The following NAV3 variants were observed in gnomAD, a reference collection of about 807,000 sequenced individuals.
The protein encoded by NAV3 is pore membrane and/or filament interacting like protein 1.
A neutral mutation model predicts 244.7 loss-of-function variants in NAV3; 87 were observed. The ratio of observed to expected loss-of-function variants is 0.36; its 90% CI spans 0.30 to 0.42. The LOEUF (loss-of-function observed/expected upper bound fraction) is 0.42, where lower values mean the gene tolerates loss of function less well. Ranked by LOEUF, NAV3 falls within the 20% of genes least tolerant of loss-of-function variation. The pLI is 1.00. For missense variants in NAV3, 2,663 were observed against 2,893.3 expected, an observed-to-expected ratio of 0.92 and a Z score of 1.83; for synonymous variants, 1,126 against 1,042.2, an observed-to-expected ratio of 1.08 and a Z score of -1.55.
intron 2 of NAV3, among the ~76,000 whole-genome samples, chr12:77,587,376 C>T (rs188970169): frequency 1.3e-4 from 20 of 152,172 alleles, no homozygotes; most frequent in Non-Finnish European, 2.9e-4. Context: ...ATCATTTTAG[C>T]AAATGATTTA....
chr12:77,858,354 A>G (rs914151658), intron 1 of NAV3, among the ~76,000 whole-genome samples: 1 of 152,094 alleles, frequency 6.6e-6, no homozygotes, highest in Non-Finnish European at 1.5e-5. Flanking sequence ...TCAAAATACA[A>G]ATGTTCCAGG....
At chr12:77,778,822 A>G (rs144276056) in intron 2 of NAV3, among the ~76,000 whole-genome samples, 1 of 152,162 alleles carries the variant, frequency 6.6e-6, no homozygotes, top group Non-Finnish European at 1.5e-5. Flanking sequence ...AAGGCAGAAT[A>G]TTTATGCAAT....
chr12:77,660,206 A>T (rs1873369268), intron 2 of NAV3, among the ~76,000 whole-genome samples: 2 of 152,170 alleles, frequency 1.3e-5, no homozygotes, highest in African/African-American at 4.8e-5. Context: ...GTGGGTGGAG[A>T]AAAGTTTAAC....
chr12:78,168,961 G>A, intron 24 of NAV3, 95 bp downstream of exon 24: 2 of 746,234 alleles, frequency 2.7e-6, no homozygotes, highest in South Asian at 3.9e-5. Context: ...GTGTCACTGT[G>A]CATTATTAAT....
intron 2 of NAV3, among the ~76,000 whole-genome samples, chr12:77,746,261 C>G (rs1868537343): frequency 6.6e-6 from 1 of 152,014 alleles, no homozygotes; most frequent in African/African-American, 2.4e-5. Context: ...ACAATTACTC[C>G]TCAGTACTCT....
At chr12:77,915,980 A>C (rs1378742415) in intron 1 of NAV3, among the ~76,000 whole-genome samples, 5 of 152,008 alleles carry the variant, frequency 3.3e-5, no homozygotes, top group Non-Finnish European at 7.4e-5. Flanking sequence ...GATGATAAGC[A>C]CTTGAAGAAA....
chr12:77,676,500 CTTTCT>C, intron 2 of NAV3, among the ~76,000 whole-genome samples: 1 of 150,500 alleles, frequency 6.6e-6, no homozygotes, highest in African/African-American at 2.4e-5. Flanking sequence ...AACAAGTGGG[CTTTCT>C]TTTCTTTTTG....
intron 5 of NAV3, among the ~76,000 whole-genome samples, chr12:77,979,987 G>T (rs767946099): frequency 2.5e-4 from 38 of 152,154 alleles, no homozygotes; most frequent in Non-Finnish European, 5.9e-5. Context: ...TGGCAAGGAA[G>T]AAATGTAACT....
rs531881501 is a variant in NAV3 at position 77,711,606 on chromosome 12, G to A, written c.72+139340G>A. Among the ~76,000 whole-genome samples, 3 of 152,294 alleles carry A rather than the reference G, an allele frequency of 2.0e-5. No individual in the cohort carries two copies. In the South Asian group the frequency reaches 6.2e-4, roughly 32 times the overall value. On this transcript the variant is annotated intron_variant, in intron 2 of 8. Coordinates refer to the NAV3 transcript ENST00000550042. Reference sequence around the variant, plus strand: ...AATGCGGTGTCAGGAGCAGCTAAAGGGCAGGTGCCCTGATGTCCTGTCAGT... The same window carrying A: ...AATGCGGTGTCAGGAGCAGCTAAAGAGCAGGTGCCCTGATGTCCTGTCAGT...
chr12:78,138,668 G>C (rs543703259), intron 19 of NAV3, among the ~76,000 whole-genome samples: 19 of 152,168 alleles, frequency 1.2e-4, no homozygotes, highest in African/African-American at 4.1e-4. Flanking sequence ...TCACAGATAG[G>C]CTTCTTATAA....
intron 5 of NAV3, among the ~76,000 whole-genome samples, chr12:77,976,152 TG>T (rs1452833795): frequency 2.6e-5 from 4 of 152,098 alleles, no homozygotes; most frequent in African/African-American, 9.7e-5. Flanking sequence ...AGGAAAGGTT[TG>T]GTAGGGAGAA....
intron 31 of NAV3, 131 bp from the exon 32 acceptor site, chr12:78,188,117 C>A (rs1415882719): frequency 6.1e-6 from 4 of 656,658 alleles, no homozygotes; most frequent in Non-Finnish European, 1.0e-5. Flanking sequence ...GTGTCTGTTA[C>A]TATAGAAGCC....
At chr12:77,615,010 G>A (rs1451402762) in intron 2 of NAV3, among the ~76,000 whole-genome samples, 1 of 152,152 alleles carries the variant, frequency 6.6e-6, no homozygotes, top group Non-Finnish European at 1.5e-5. Context: ...CCAAAAGATA[G>A]CTAGGTGATG....
chr12:78,151,104 G>C (rs1255661570), intron 22 of NAV3, among the ~76,000 whole-genome samples: 1 of 151,932 alleles, frequency 6.6e-6, no homozygotes, highest in Non-Finnish European at 1.5e-5. Flanking sequence ...AGAAGCAGCA[G>C]TGCCAAATAG....
At chr12:77,765,023 GA>G (rs1160621583) in intron 2 of NAV3, among the ~76,000 whole-genome samples, 2 of 152,352 alleles carry the variant, frequency 1.3e-5, no homozygotes, top group African/African-American at 4.8e-5. Flanking sequence ...AAAACATTAT[GA>G]AGGCTATTAA....
intron 2 of NAV3, among the ~76,000 whole-genome samples, chr12:77,608,518 A>G (rs1203267967): frequency 2.0e-5 from 3 of 152,144 alleles, no homozygotes; most frequent in Admixed American, 2.0e-4. Context: ...GTTGGGCCAT[A>G]ACAAGATGCT....
intron 2 of NAV3, among the ~76,000 whole-genome samples, chr12:77,679,224 A>G (rs187118885): frequency 6.6e-6 from 1 of 152,176 alleles, no homozygotes; most frequent in Non-Finnish European, 1.5e-5. Context: ...TGAATATCAT[A>G]ATAGTGCAAG....
rs17044342 is a variant in NAV3 at position 77,840,167 on chromosome 12, A to G, written c.243+8463A>G. Among the ~76,000 whole-genome samples, 1,407 of 152,350 alleles carry G rather than the reference A, an allele frequency of 9.2e-3. 20 individuals carry two copies. The highest frequency in any genetic ancestry group is 0.03 in the African/African-American group (1,240 of 41,588). On this transcript the variant is annotated intron_variant, in intron 1 of 39. Coordinates refer to ENST00000397909, the MANE Select transcript of NAV3 (RefSeq NM_001024383.2). Reference sequence around the variant, plus strand: ...TATATGGAATAGCATTTACCAGGCTATGAAATAGTGTGTTGTGTTTATAAA... The same window carrying G: ...TATATGGAATAGCATTTACCAGGCTGTGAAATAGTGTGTTGTGTTTATAAA...
rs531502115 is a variant in NAV3 at position 78,211,750 on chromosome 12, A to G, written c.*1233A>G. ...CTTCCCTATTGTTTTTGTTTTTTTA[A>G]TGAGTTTTGACGCATGTTGTTTTGA... On this transcript the variant is annotated 3_prime_UTR_variant, in exon 40 of 40. Coordinates refer to ENST00000397909, the MANE Select transcript of NAV3 (RefSeq NM_001024383.2). 3.3e-5 allele frequency: 5 copies of G among 151,136 alleles called. No homozygotes were observed. The South Asian group carries it at 1.0e-3, about 31-fold the overall frequency. The allele number at this position is 151,136 out of a possible 1,614,324, so 9.4% of individuals were successfully genotyped here.
Sources: gnomAD v4.1 joint callset for allele counts (sites outside exome capture counted in the v4.1 genomes callset) on GRCh38, gnomAD v4.1.1 for gene constraint, MANE v1.5 for transcripts, NCBI Gene and HGNC (gene_info 2026-07-23, HGNC 2026-07-21) for gene names.